Variants in PRKN observed in about 807,000 individuals in gnomAD.
PRKN encodes parkin RBR E3 ubiquitin protein ligase, also known as E3 ubiquitin-protein ligase parkin.
Under a neutral mutation model 59.5 loss-of-function variants are expected in PRKN, and 56 were observed. The observed-to-expected ratio is 0.94, with a 90% CI of 0.76 to 1.18. PRKN has a LOEUF of 1.18. PRKN is among the 50% of genes most tolerant of loss of function. PRKN has a pLI of 0.00. For missense variants in PRKN, 657 were observed against 596.4 expected, an observed-to-expected ratio of 1.10 and a Z score of -1.06; for synonymous variants, 250 against 222.1, an observed-to-expected ratio of 1.13 and a Z score of -1.12.
chr6:161,662,308 G>A (rs1784577576), intron 7 of PRKN, among the ~76,000 whole-genome samples: 1 of 152,204 alleles, frequency 6.6e-6, no homozygotes. Flanking sequence ...CCTCCACCGA[G>A]GAGGGCGTGC....
At chr6:161,853,699 A>G (rs374853256) in intron 6 of PRKN, among the ~76,000 whole-genome samples, 1 of 152,234 alleles carries the variant, frequency 6.6e-6, no homozygotes, top group Non-Finnish European at 1.5e-5. Flanking sequence ...CTTTACAAAC[A>G]TCATTTCATT....
intron 4 of PRKN, among the ~76,000 whole-genome samples, chr6:162,198,798 G>A (rs1381271554): frequency 3.3e-5 from 5 of 152,000 alleles, no homozygotes; most frequent in Non-Finnish European, 7.4e-5. Context: ...AAGCCTTACT[G>A]TTCCTGAGGA....
chr6:162,569,748 C>A (rs1780236828), intron 1 of PRKN: 2 of 520,816 alleles, frequency 3.8e-6, no homozygotes, highest in Non-Finnish European at 7.1e-6. Flanking sequence ...ACAGCCCCTC[C>A]CAGCCTGCCC....
intron 7 of PRKN, among the ~76,000 whole-genome samples, chr6:161,754,850 T>C (rs1270575975): frequency 6.6e-6 from 1 of 152,240 alleles, no homozygotes; most frequent in Admixed American, 6.5e-5. Context: ...ATTTAGCCTC[T>C]TTAGTGTGTT....
intron 2 of PRKN, among the ~76,000 whole-genome samples, chr6:162,277,310 A>G (rs1780676670): frequency 6.6e-6 from 1 of 152,168 alleles, no homozygotes; most frequent in Admixed American, 6.5e-5. Flanking sequence ...TCACACGGGC[A>G]TTGTCAGTTA....
intron 4 of PRKN, among the ~76,000 whole-genome samples, chr6:162,140,898 G>T (rs1006155225): frequency 2.6e-5 from 4 of 152,150 alleles, no homozygotes; most frequent in African/African-American, 9.7e-5. Flanking sequence ...GGAGGCCGAG[G>T]CGGGCAGATC....
chr6:162,018,096 C>T (rs940026201), intron 5 of PRKN, among the ~76,000 whole-genome samples: 19 of 152,068 alleles, frequency 1.2e-4, no homozygotes, highest in African/African-American at 2.7e-4. Context: ...ACATGATCTC[C>T]GCTCACTGCA....
At chr6:161,608,045 G>A (rs1003313867) in intron 7 of PRKN, among the ~76,000 whole-genome samples, 3 of 152,164 alleles carry the variant, frequency 2.0e-5, no homozygotes, top group African/African-American at 7.2e-5. Flanking sequence ...GGGGACAATA[G>A]AGAGAAAAAT....
chr6:161,662,838 G>A (rs1023885532), intron 7 of PRKN, among the ~76,000 whole-genome samples: 2 of 152,158 alleles, frequency 1.3e-5, no homozygotes, highest in African/African-American at 2.4e-5. Context: ...TATCTGTGGT[G>A]AAATACATGA....
chr6:161,946,375 T>C (rs1275263800), intron 6 of PRKN, among the ~76,000 whole-genome samples: 2 of 121,106 alleles, frequency 1.7e-5, no homozygotes, highest in South Asian at 2.8e-4. Context: ...CTTTACCAAA[T>C]TGCATGCACA....
chr6:161,999,198 A>G (rs1270502172), intron 5 of PRKN, among the ~76,000 whole-genome samples: 1 of 152,104 alleles, frequency 6.6e-6, no homozygotes, highest in African/African-American at 2.4e-5. Context: ...AAGTCTCAGC[A>G]ATAACAACGA....
At chr6:162,498,359 C>T (rs1793170710) in intron 1 of PRKN, among the ~76,000 whole-genome samples, 2 of 139,292 alleles carry the variant, frequency 1.4e-5, no homozygotes, top group South Asian at 2.3e-4. Flanking sequence ...ACGTAACTAT[C>T]TCTTCCAGCA....
chr6:161,710,882 T>TCC (rs1786718449), intron 7 of PRKN, among the ~76,000 whole-genome samples: 1 of 119,226 alleles, frequency 8.4e-6, no homozygotes, highest in Non-Finnish European at 1.7e-5. Context: ...CTTCCTTCCT[T>TCC]CTCTCCCTCC....
At chr6:161,876,150 T>C (rs1031403164) in intron 6 of PRKN, among the ~76,000 whole-genome samples, 3 of 152,192 alleles carry the variant, frequency 2.0e-5, no homozygotes, top group African/African-American at 2.4e-5. Flanking sequence ...CAAACAAATA[T>C]AAATGTTTTA....
At chr6:162,535,613 A>G (rs1026080162) in intron 1 of PRKN, among the ~76,000 whole-genome samples, 8 of 152,040 alleles carry the variant, frequency 5.3e-5, no homozygotes, top group African/African-American at 1.9e-4. Flanking sequence ...ATCAAAGTTA[A>G]AATATGGCAT....
At chr6:162,608,812 C>G (rs1286385171) in intron 1 of PRKN, among the ~76,000 whole-genome samples, 1 of 151,982 alleles carries the variant, frequency 6.6e-6, no homozygotes, top group Admixed American at 6.6e-5. Context: ...AAAAATCATG[C>G]AAAACATGTG....
chr6:162,556,360 T>C (rs1045007550), intron 1 of PRKN, among the ~76,000 whole-genome samples: 1 of 82,692 alleles, frequency 1.2e-5, no homozygotes, highest in African/African-American at 3.9e-5. Context: ...TGTGTGTGTG[T>C]GTGTGTGTGT....
chr6:162,334,177 C>A (rs757977165), intron 2 of PRKN, among the ~76,000 whole-genome samples: 1 of 152,186 alleles, frequency 6.6e-6, no homozygotes, highest in Non-Finnish European at 1.5e-5. Context: ...GCAACAAATG[C>A]TGCTGTAGAA....
At chr6:162,386,075 T>A (rs17529104) in intron 2 of PRKN, among the ~76,000 whole-genome samples, 1 of 152,082 alleles carries the variant, frequency 6.6e-6, no homozygotes, top group Non-Finnish European at 1.5e-5. Flanking sequence ...GCAGGATACA[T>A]ATAAATATAG....
Sources: allele counts gnomAD v4.1 joint callset (sites outside exome capture counted in the v4.1 genomes callset), GRCh38; gene constraint gnomAD v4.1.1; transcripts MANE v1.5; gene names NCBI Gene and HGNC (gene_info 2026-07-23, HGNC 2026-07-21).